SUGCT: variants seen among roughly 807,000 people sequenced by gnomAD.
SUGCT encodes succinyl-CoA:glutarate CoA-transferase.
A neutral mutation model predicts 55.0 loss-of-function variants in SUGCT; 41 were observed. The ratio of observed to expected loss-of-function variants is 0.74; its 90% CI spans 0.58 to 0.97. SUGCT has a LOEUF of 0.97. Ranked by LOEUF, SUGCT falls within the 50% of genes least tolerant of loss-of-function variation. SUGCT has a pLI of 0.00. For missense variants in SUGCT, 568 were observed against 547.8 expected, an observed-to-expected ratio of 1.04 and a Z score of -0.37; for synonymous variants, 187 against 200.4, an observed-to-expected ratio of 0.93 and a Z score of 0.56.
chr7:40,213,492 C>T lies in SUGCT; in HGVS notation c.484+18432C>T, dbSNP rs372844965. Among the ~76,000 whole-genome samples the T allele has an allele frequency of 9.9e-5, 15 of 152,250 alleles. No homozygotes were observed. The East Asian group carries it at 1.4e-3, about 14-fold the overall frequency. ...GATGTCACCATGACATCACTGATGA[C>T]GTTAACTTTGATCTCTTCGTTAGGA... On this transcript the variant is annotated intron_variant, in intron 6 of 13. Transcript: ENST00000335693.
intron 12 of SUGCT, among the ~76,000 whole-genome samples, chr7:40,709,752 T>G (rs1402361202): frequency 6.6e-6 from 1 of 152,248 alleles, no homozygotes; most frequent in Non-Finnish European, 1.5e-5. Context: ...TAGTGGTTAC[T>G]CACTATAGGT....
At chr7:40,519,091 G>A (rs1793395495) in intron 12 of SUGCT, among the ~76,000 whole-genome samples, 1 of 151,974 alleles carries the variant, frequency 6.6e-6, no homozygotes, top group Admixed American at 6.6e-5. Flanking sequence ...CCACTTTTGC[G>A]ATAGTATCTC....
intron 8 of SUGCT, among the ~76,000 whole-genome samples, chr7:40,286,781 G>T (rs1793372179): frequency 6.6e-6 from 1 of 151,682 alleles, no homozygotes; most frequent in African/African-American, 2.4e-5. Context: ...ATGTCCTATA[G>T]TTAGTAGGTC....
In SUGCT at chr7:40,266,967, G is replaced by C. The variant is rs1407972996; in HGVS notation, c.577-7546G>C. 4.6e-5 allele frequency among the ~76,000 whole-genome samples: 7 copies of C among 150,716 alleles called. No individual in the cohort carries two copies. The East Asian group carries it at 1.4e-3, about 29-fold the overall frequency. ...GGAGGTGGAGGTTGCAGAGAGCTGA[G>C]ATCATGCCACTGCACTGCAGCCTGG... On this transcript the variant is annotated intron_variant, in intron 7 of 13. Coordinates refer to ENST00000335693, the MANE Select transcript of SUGCT (RefSeq NM_001193313.2).
the SUGCT span, among the ~76,000 whole-genome samples, chr7:40,919,516 G>A: frequency 1.7e-4 from 26 of 152,096 alleles, no homozygotes; most frequent in Non-Finnish European, 3.4e-4. Flanking sequence ...GTGTTGTAAC[G>A]ACTGATTGAC....
In SUGCT at chr7:40,791,718, T is replaced by C. The variant is rs550243136; in HGVS notation, c.1153+42221T>C. On this transcript the variant is annotated intron_variant, in intron 13 of 13. Coordinates refer to ENST00000335693, the MANE Select transcript of SUGCT (RefSeq NM_001193313.2). ...AGGAGTAAAAAATGGAAATATTATTTCTGGATTTACATTTTGTCTTATTTC... is the reference window on the plus strand; with the variant it reads ...AGGAGTAAAAAATGGAAATATTATTCCTGGATTTACATTTTGTCTTATTTC... Among the ~76,000 whole-genome samples, 10 of 152,294 alleles carry C rather than the reference T, an allele frequency of 6.6e-5. No homozygotes were observed. The East Asian group carries it at 1.5e-3, about 24-fold the overall frequency.
chr7:40,558,520 T>C (rs1795674235), intron 12 of SUGCT, among the ~76,000 whole-genome samples: 1 of 152,194 alleles, frequency 6.6e-6, no homozygotes, highest in African/African-American at 2.4e-5. Context: ...AGGACAGATA[T>C]CATTAGGATT....
Position 40,268,469 on chromosome 7 carries a change from T to C in SUGCT, c.577-6044T>C, listed in dbSNP as rs1290614123. 2.6e-5 allele frequency among the ~76,000 whole-genome samples: 4 copies of C among 152,354 alleles called. No homozygotes were observed. The East Asian group carries it at 7.7e-4, about 29-fold the overall frequency. ...CCTAAAATATCCCACCGTATTGTAT[T>C]AGTAGAATAGTTTCTTTTTTGTTGC... On this transcript the variant is annotated intron_variant, in intron 7 of 13. Coordinates refer to ENST00000335693, the MANE Select transcript of SUGCT (RefSeq NM_001193313.2).
At chr7:40,505,549 C>T (rs1390632730) in intron 12 of SUGCT, among the ~76,000 whole-genome samples, 2 of 151,902 alleles carry the variant, frequency 1.3e-5, no homozygotes, top group Non-Finnish European at 2.9e-5. Flanking sequence ...TTATCTAAGC[C>T]TTGTAATATG....
intron 12 of SUGCT, among the ~76,000 whole-genome samples, chr7:40,562,499 G>A (rs139420119): frequency 2.0e-4 from 27 of 134,416 alleles, no homozygotes; most frequent in African/African-American, 6.7e-4. Flanking sequence ...AGGTATACAA[G>A]ATGTTTTCTG....
intron 9 of SUGCT, among the ~76,000 whole-genome samples, chr7:40,389,168 G>C (rs184522759): frequency 3.0e-4 from 45 of 152,290 alleles, no homozygotes; most frequent in African/African-American, 1.1e-3. Context: ...AAGTTACTGA[G>C]GCCGGATGGG....
chr7:40,203,685 G>A (rs914523239), intron 6 of SUGCT, among the ~76,000 whole-genome samples: 4 of 151,700 alleles, frequency 2.6e-5, no homozygotes, highest in African/African-American at 9.7e-5. Flanking sequence ...TGAGGCATGA[G>A]AATCGGTTGA....
chr7:40,791,972 A>G (rs2128745253), intron 13 of SUGCT, among the ~76,000 whole-genome samples: 1 of 152,256 alleles, frequency 6.6e-6, no homozygotes, highest in East Asian at 1.9e-4. Flanking sequence ...AACTCCTCCC[A>G]CACACATGGA....
chr7:40,877,962 T>C, the SUGCT span, among the ~76,000 whole-genome samples: 1 of 152,238 alleles, frequency 6.6e-6, no homozygotes, highest in Non-Finnish European at 1.5e-5. Flanking sequence ...TCTTCTCTTA[T>C]CCGCTTCAGA....
intron 13 of SUGCT, among the ~76,000 whole-genome samples, chr7:40,818,192 C>G (rs545824699): frequency 3.9e-5 from 6 of 152,194 alleles, no homozygotes; most frequent in Non-Finnish European, 8.8e-5. Flanking sequence ...AGGAGGTGCA[C>G]CCTGGTCTGT....
At chr7:40,394,392 C>A (rs1169149650) in intron 9 of SUGCT, among the ~76,000 whole-genome samples, 2 of 151,902 alleles carry the variant, frequency 1.3e-5, no homozygotes, top group Non-Finnish European at 2.9e-5. Context: ...ATTCACACTG[C>A]AAAAGGAACA....
chr7:40,377,322 A>G (rs952917964), intron 9 of SUGCT, among the ~76,000 whole-genome samples: 3 of 148,488 alleles, frequency 2.0e-5, no homozygotes, highest in South Asian at 2.2e-4. Context: ...TGCTCACTGC[A>G]ACCTCCGCCT....
intron 9 of SUGCT, among the ~76,000 whole-genome samples, chr7:40,324,311 A>G (rs1010345248): frequency 1.4e-5 from 2 of 146,784 alleles, no homozygotes; most frequent in African/African-American, 5.0e-5. Flanking sequence ...GTTGGAGTGC[A>G]GTGGCGCAAT....
rs530437424 is a variant in SUGCT, at chr7:40,848,646, G to A, written c.1154-11670G>A. Among the ~76,000 whole-genome samples the A allele has an allele frequency of 8.5e-5, 13 of 152,276 alleles. No homozygotes were observed. The South Asian group carries it at 2.7e-3, about 32-fold the overall frequency. ...AAACAATGAGCCAAAATTGATTCAA[G>A]CAGTAGTGATATATGGCGTTTCTGA... On this transcript the variant is annotated intron_variant, in intron 13 of 13. Coordinates refer to ENST00000335693, the MANE Select transcript of SUGCT (RefSeq NM_001193313.2).
Sources: allele counts gnomAD v4.1 joint callset (sites outside exome capture counted in the v4.1 genomes callset), GRCh38; gene constraint gnomAD v4.1.1; transcripts MANE v1.5; gene names NCBI Gene and HGNC (gene_info 2026-07-23, HGNC 2026-07-21).